Variants in USP7 observed in about 807,000 individuals in gnomAD.
USP7 encodes the protein ubiquitin specific peptidase 7.
Under a neutral mutation model 162.9 loss-of-function variants are expected in USP7, and 9 were observed. That is an observed-to-expected ratio of 0.06 (90% confidence interval 0.03 to 0.10). The LOEUF is 0.10. Ranked by LOEUF, USP7 falls within the 10% of genes least tolerant of loss-of-function variation. USP7 has a pLI of 1.00. For synonymous variants in USP7, 562 were observed against 475.9 expected, an observed-to-expected ratio of 1.18 and a Z score of -2.35; for missense variants, 715 against 1,373.7, an observed-to-expected ratio of 0.52 and a Z score of 7.58.
chr16:8,935,408 A>G (rs2141240459), intron 1 of USP7, among the ~76,000 whole-genome samples: 1 of 152,186 alleles, frequency 6.6e-6, no homozygotes, highest in East Asian at 1.9e-4. Flanking sequence ...ATGGGGTTTC[A>G]CCACGTTGGC....
intron 11 of USP7, among the ~76,000 whole-genome samples, chr16:8,909,658 T>G (rs1451180674): frequency 6.6e-6 from 1 of 152,216 alleles, no homozygotes; most frequent in Non-Finnish European, 1.5e-5. Context: ...GATGAGCAAG[T>G]GGCTCATGCC....
At chr16:8,902,632 G>C in intron 16 of USP7, 150 bp from the exon 17 acceptor site, 1 of 697,354 alleles carries the variant, frequency 1.4e-6, no homozygotes. Context: ...GCTCTCGCCT[G>C]TAATCCCAGC....
chr16:8,955,729 T>C (rs908306271), intron 1 of USP7, among the ~76,000 whole-genome samples: 2 of 120,820 alleles, frequency 1.7e-5, no homozygotes, highest in African/African-American at 2.7e-5. Flanking sequence ...AAAAAAAACA[T>C]TGCACAGGGT....
At chr16:8,926,089 G>A (rs762658376) in intron 2 of USP7, among the ~76,000 whole-genome samples, 1 of 151,510 alleles carries the variant, frequency 6.6e-6, no homozygotes, top group Admixed American at 6.6e-5. Flanking sequence ...GGGAGGCGAA[G>A]CTTGCAGTGA....
chr16:8,913,746 TTTTTA>T lies in USP7; in HGVS notation c.1078+1503_1078+1507del, dbSNP rs1196665368. On this transcript the variant is annotated intron_variant, in intron 10 of 30. Transcript: ENST00000344836. ...CATAAAGCACTTCCCCTCCTCACTC[TTTTTA>T]TTTTATTTTACTTTCTTGAGAGAGA... Among the ~76,000 whole-genome samples, 34 of 152,204 alleles carry T rather than the reference TTTTTA, an allele frequency of 2.2e-4. 1 individual carries two copies. The highest frequency in any genetic ancestry group is 6.0e-4 in the African/African-American group (25 of 41,466).
At chr16:8,920,180 ACTGCTCAATCAAT>A (rs1897609738) in intron 5 of USP7, among the ~76,000 whole-genome samples, 166 bp downstream of exon 5, 1 of 152,156 alleles carries the variant, frequency 6.6e-6, no homozygotes, top group Non-Finnish European at 1.5e-5. Context: ...ACATATAGAA[ACTGCTCAATCAAT>A]CTGTTAAACG....
At chr16:8,950,714 G>A (rs968635280) in intron 1 of USP7, among the ~76,000 whole-genome samples, 2 of 152,216 alleles carry the variant, frequency 1.3e-5, no homozygotes, top group African/African-American at 4.8e-5. Context: ...GCATCCTGAA[G>A]CTCAACCAGT....
chr16:8,930,042 TACCC>T (rs529997099), intron 2 of USP7, among the ~76,000 whole-genome samples: 242 of 152,264 alleles, frequency 1.6e-3, no homozygotes, highest in Non-Finnish European at 2.8e-3. Context: ...CAGGAGTAAA[TACCC>T]ACCTATTAAA....
intron 1 of USP7, 135 bp from the exon 2 acceptor site, chr16:8,930,532 A>T (rs1274006957): frequency 2.0e-5 from 12 of 605,468 alleles, no homozygotes; most frequent in Admixed American, 3.6e-5. Context: ...GATTCATTCT[A>T]ATCCAAAAAA....
chr16:8,906,078 G>T (rs750517814), intron 13 of USP7, among the ~76,000 whole-genome samples: 64 of 152,328 alleles, frequency 4.2e-4, no homozygotes, highest in Non-Finnish European at 8.1e-4. Context: ...AGGACCAGGG[G>T]GCACGCAGAG....
Position 8,898,256 on chromosome 16 carries a change from A to G in USP7, c.2718+104T>C. ...CAGCCCCCATCATGTGCTGTTGTTT[A>G]GAGTGTTTTTCTGTGGTGTCTTAGT... On this transcript the variant is annotated intron_variant, in intron 25 of 30. Coordinates refer to ENST00000344836, the MANE Select transcript of USP7 (RefSeq NM_003470.3). 2 of 976,452 alleles carry G rather than the reference A, an allele frequency of 2.0e-6. 1 individual carries two copies. The highest frequency in any genetic ancestry group is 3.1e-5 in the South Asian group (2 of 64,740). 60.5% of individuals were successfully genotyped at this position (976,452 alleles called of 1,614,324 possible).
intron 5 of USP7, 91 bp downstream of exon 5, chr16:8,920,268 A>G: frequency 9.1e-7 from 1 of 1,104,418 alleles, no homozygotes; most frequent in Middle Eastern, 2.1e-4. Flanking sequence ...TACTGATTAA[A>G]TATGTGCATC....
chr16:8,938,426 C>A (rs535113595), intron 1 of USP7, among the ~76,000 whole-genome samples: 23 of 152,120 alleles, frequency 1.5e-4, no homozygotes, highest in African/African-American at 5.3e-4. Context: ...CAAAAACACT[C>A]AGGGGGCCGG....
chr16:8,962,676 C>T (rs1039240080), intron 1 of USP7: 7 of 201,734 alleles, frequency 3.5e-5, no homozygotes, highest in Non-Finnish European at 6.6e-5. Flanking sequence ...ATCTGCGTTC[C>T]TTGCAGGTAT....
chr16:8,901,511 T>C (rs1490871959), intron 18 of USP7, among the ~76,000 whole-genome samples: 3 of 152,202 alleles, frequency 2.0e-5, no homozygotes, highest in Admixed American at 6.5e-5. Flanking sequence ...AAACTTAGAA[T>C]TCCTAGTTCT....
chr16:8,935,513 T>A (rs555216884), intron 1 of USP7: 1 of 152,322 alleles, frequency 6.6e-6, no homozygotes, highest in African/African-American at 2.4e-5. Flanking sequence ...GCCCAGGCTA[T>A]GGCACTATTT....
Position 8,963,324 on chromosome 16 carries a change from GGGGCTGC to G in USP7, c.-46_-40del, listed in dbSNP as rs1900097946. 1.1e-6 allele frequency: 1 copy of G among 896,086 alleles called. No individual in the cohort carries two copies. Among genetic ancestry groups the G allele is most frequent in the African/African-American group, 1.8e-5 (1 of 54,946 alleles). The allele number at this position is 896,086 out of a possible 1,614,324, so 55.5% of individuals were successfully genotyped here. A position where few individuals can be genotyped will look rare whatever the true frequency, so the allele number is the denominator to read the frequency against. On this transcript the variant is annotated 5_prime_UTR_variant, in exon 1 of 31. Transcript: ENST00000344836. ...TGGGCCTCGCCTGCGGCCGGGGGCC[GGGGCTGC>G]GAGCCCGGCGGGCGGGCGGCGGCGA...
At chr16:8,921,562 T>TG (rs2141212188) in intron 3 of USP7, among the ~76,000 whole-genome samples, 3 of 152,362 alleles carry the variant, frequency 2.0e-5, no homozygotes, top group Admixed American at 2.0e-4. Flanking sequence ...TCTTTCATTG[T>TG]ATCTATACAA....
intron 7 of USP7, 88 bp downstream of exon 7, chr16:8,916,938 A>G: frequency 1.4e-6 from 2 of 1,428,994 alleles, no homozygotes; most frequent in East Asian, 4.9e-5. Context: ...AGTATGCTCT[A>G]CTAACTTTTC....
Sources: allele counts gnomAD v4.1 joint callset (sites outside exome capture counted in the v4.1 genomes callset), GRCh38; gene constraint gnomAD v4.1.1; transcripts MANE v1.5; gene names NCBI Gene and HGNC (gene_info 2026-07-23, HGNC 2026-07-21).